The following OTUD5 variants were observed in gnomAD, a reference collection of about 807,000 sequenced individuals.
The protein encoded by OTUD5 is OTU domain-containing protein 5.
In OTUD5, 2 loss-of-function variants were observed where a neutral mutation model predicts 36.3. The observed-to-expected ratio is 0.06, with a 90% CI of 0.02 to 0.17. The LOEUF (loss-of-function observed/expected upper bound fraction) is 0.17, where lower values mean the gene tolerates loss of function less well. Among genes scored for constraint, OTUD5 ranks in the 10% least tolerant of loss-of-function variants. The pLI, the probability that OTUD5 is intolerant of heterozygous loss-of-function variation, is 1.00. For synonymous variants in OTUD5, 234 were observed against 214.9 expected (o/e 1.09, Z -0.78); for missense variants, 233 against 512.3 (o/e 0.45, Z 5.26).
intron 1 of OTUD5, among the ~76,000 whole-genome samples, chrX:48,951,941 A>G (rs1007094764): frequency 9.0e-6 from 1 of 110,995 alleles, no homozygotes; most frequent in African/African-American, 3.3e-5. Context: ...CTGTAGCCCC[A>G]GCTACTTGGG....
intron 5 of OTUD5, among the ~76,000 whole-genome samples, chrX:48,933,490 A>G (rs1407395520): frequency 9.3e-6 from 1 of 107,246 alleles, no homozygotes; most frequent in Non-Finnish European, 1.9e-5. Flanking sequence ...ATCTTGGCTC[A>G]CTGCAACCTC....
intron 2 of OTUD5, among the ~76,000 whole-genome samples, chrX:48,942,094 T>C (rs2063933986): frequency 9.1e-6 from 1 of 109,811 alleles, no homozygotes; most frequent in Non-Finnish European, 1.9e-5. Context: ...GTCGGGAGTA[T>C]TTGGGGAGAA....
intron 2 of OTUD5, 99 bp from the exon 3 acceptor site, chrX:48,935,117 G>C: frequency 1.2e-6 from 1 of 834,208 alleles, no homozygotes; most frequent in Admixed American, 2.7e-5. Flanking sequence ...GGGGGACCAG[G>C]GAAATTCCCT....
At chrX:48,948,498 C>T (rs782493896) in intron 1 of OTUD5, among the ~76,000 whole-genome samples, 1 of 112,330 alleles carries the variant, frequency 8.9e-6, no homozygotes, top group South Asian at 3.6e-4. Flanking sequence ...ACCTTGCAGC[C>T]CATCCACAGA....
Position 48,923,090 on chromosome X carries a change from AG to A in OTUD5, c.*83del. ...AGCAGAAAGAACAGAAGGAGGCAAG[AG>A]GGAAGAAGCCAAAGAAGGTGAGGTG... On this transcript the variant is annotated 3_prime_UTR_variant, in exon 9 of 9. Transcript: ENST00000376488. 2.5e-6 allele frequency: 3 copies of A among 1,201,164 alleles called. No homozygotes were observed. Among genetic ancestry groups the A allele is most frequent in the Non-Finnish European group, 3.4e-6 (3 of 889,437 alleles).
In OTUD5 at chrX:48,922,919, T is replaced by C; in HGVS notation, c.*255A>G. The C allele has an allele frequency of 2.0e-6, 2 of 1,007,358 alleles. No individual in the cohort carries two copies. The highest frequency in any genetic ancestry group is 2.5e-6 in the Non-Finnish European group (2 of 792,352). 83.0% of individuals were successfully genotyped at this position (1,007,358 alleles called of 1,213,427 possible). A position where few individuals can be genotyped will look rare whatever the true frequency, so the allele number is the denominator to read the frequency against. On this transcript the variant is annotated 3_prime_UTR_variant, in exon 9 of 9. Coordinates refer to ENST00000376488, the MANE Select transcript of OTUD5 (RefSeq NM_001136157.2). ...ACCCTTGCCCGAGTCCCCTGTGGAATGCAGGGATGGTTCTGTGCGGGATGG... is the reference window on the plus strand; with the variant it reads ...ACCCTTGCCCGAGTCCCCTGTGGAACGCAGGGATGGTTCTGTGCGGGATGG...
chrX:48,944,136 G>A, intron 2 of OTUD5, 54 bp downstream of exon 2: 1 of 879,089 alleles, frequency 1.1e-6, no homozygotes, highest in Non-Finnish European at 1.7e-6. Flanking sequence ...CCTGATAACT[G>A]GGACACAGCT....
rs781933375 is a variant in OTUD5, at chrX:48,954,128, C to CT, written c.594+2848dup. 2.3e-4 allele frequency among the ~76,000 whole-genome samples: 25 copies of CT among 107,439 alleles called. No homozygotes were observed. In the East Asian group the frequency reaches 4.4e-3, roughly 19 times the overall value. The allele number at this position is 107,439 out of a possible 115,157, so 93.3% of individuals were successfully genotyped here. A position where few individuals can be genotyped will look rare whatever the true frequency, so the allele number is the denominator to read the frequency against. On this transcript the variant is annotated intron_variant, in intron 1 of 8. Transcript: ENST00000376488. Reference sequence around the variant, plus strand: ...ACCCACAAAACTTGATTTTCATATTCTTTTTTTTTTATTAGTAAAGATGAG... The same window carrying CT: ...ACCCACAAAACTTGATTTTCATATTCTTTTTTTTTTTATTAGTAAAGATGAG...
At chrX:48,930,919 G>A (rs1405612433) in intron 5 of OTUD5, among the ~76,000 whole-genome samples, 1 of 106,812 alleles carries the variant, frequency 9.4e-6, no homozygotes, top group African/African-American at 3.5e-5. Flanking sequence ...CTGAGATGGC[G>A]CCCTTACACT....
intron 2 of OTUD5, among the ~76,000 whole-genome samples, chrX:48,938,765 T>C (rs1334504441): frequency 1.8e-5 from 2 of 111,536 alleles, no homozygotes; most frequent in East Asian, 5.6e-4. Context: ...AGCCCTCCTC[T>C]TCCCAGAAGG....
At chrX:48,957,728 A>AGGAGGC, upstream of OTUD5, 1 of 670,217 alleles carries the variant, frequency 1.5e-6, no homozygotes, top group African/African-American at 2.5e-5. Flanking sequence ...GCGGCGGAGG[A>AGGAGGC]GGCGGCGGCG....
chrX:48,950,537 C>CTTTTTTTTTTTTTTTTTTTTTT (rs781905691), intron 1 of OTUD5, among the ~76,000 whole-genome samples: 1 of 83,086 alleles, frequency 1.2e-5, no homozygotes. Flanking sequence ...TTCTCTCTCT[C>CTTTTTTTTTTTTTTTTTTTTTT]TTTTTTTTTT....
intron 6 of OTUD5, among the ~76,000 whole-genome samples, chrX:48,924,957 A>G (rs151305039): frequency 4.1e-3 from 458 of 111,412 alleles, no homozygotes; most frequent in South Asian, 0.015. Flanking sequence ...CCTGCCACAG[A>G]CTGGTAGTAG....
In OTUD5 at chrX:48,957,465, C is replaced by T; in HGVS notation, c.106G>A (p.Val36Met). 2 of 912,894 alleles carry T rather than the reference C, an allele frequency of 2.2e-6. No homozygotes were observed. The highest frequency in any genetic ancestry group is 2.7e-6 in the Non-Finnish European group (2 of 737,166). The allele number at this position is 912,894 out of a possible 1,213,427, so 75.2% of individuals were successfully genotyped here. A position where few individuals can be genotyped will look rare whatever the true frequency, so the allele number is the denominator to read the frequency against. ...CCCGTGCCGCCGCCGCCCACGCCCA[C>T]ACCTCCGCCGCGCCGCGGCGCCGGG... ...MPPAPRRGGG[V>M]GVGGGGTGVG... The change falls in exon 1 of 9, where the codon GTG (valine) becomes ATG (methionine). Residue 36 changes from valine to methionine, a missense_variant. Physicochemically the swap from Val to Met is conservative, Grantham distance 21. Transcript: ENST00000376488.
At chrX:48,952,393 G>C in intron 1 of OTUD5, among the ~76,000 whole-genome samples, 1 of 111,428 alleles carries the variant, frequency 9.0e-6, no homozygotes, top group East Asian at 2.8e-4. Context: ...GTAGTGATGT[G>C]ATGGACGCAC....
chrX:48,937,960 C>T lies in OTUD5; in HGVS notation c.689-2942G>A, dbSNP rs930370135. Among the ~76,000 whole-genome samples the T allele has an allele frequency of 2.1e-4, 23 of 112,156 alleles. No homozygotes were observed. In the Admixed American group the frequency reaches 2.1e-3, roughly 10 times the overall value. The stretch of plus-strand genomic sequence containing the variant: ...ATGCATGTCCTCTCCTGGCTCTCTA[C>T]CTTTAGCGAAACCAAAGGTCCACAA... On this transcript the variant is annotated intron_variant, in intron 2 of 8. Transcript: ENST00000376488.
intron 1 of OTUD5, among the ~76,000 whole-genome samples, chrX:48,956,754 C>T (rs1249303108): frequency 9.0e-6 from 1 of 111,121 alleles, no homozygotes; most frequent in Non-Finnish European, 1.9e-5. Flanking sequence ...TTAAAAGAGA[C>T]CTCGGATCTT....
In OTUD5 at chrX:48,922,659, TAAAG is replaced by T; in HGVS notation, c.*511_*514del. ...TTTTATAAGATAAAAGTAATTTTAA[TAAAG>T]AAAAAATTCAACATTGAAGGCTCAG... On this transcript the variant is annotated 3_prime_UTR_variant, in exon 9 of 9. Coordinates refer to ENST00000376488, the MANE Select transcript of OTUD5 (RefSeq NM_001136157.2). 1 of 754,184 alleles carries T rather than the reference TAAAG, an allele frequency of 1.3e-6. No individual in the cohort carries two copies. The highest frequency in any genetic ancestry group is 1.6e-6 in the Non-Finnish European group (1 of 638,631). The allele number at this position is 754,184 out of a possible 1,213,427, so 62.2% of individuals were successfully genotyped here. A position where few individuals can be genotyped will look rare whatever the true frequency, so the allele number is the denominator to read the frequency against.
chrX:48,956,076 T>G lies in OTUD5; in HGVS notation c.594+901A>C, dbSNP rs1402488120. Among the ~76,000 whole-genome samples the G allele has an allele frequency of 9.9e-5, 11 of 111,628 alleles. No homozygotes were observed. In the Admixed American group the frequency reaches 1.0e-3, roughly 11 times the overall value. ...GGTGGGGGTGCTGAGGGCCCATCTC[T>G]TCTTACAAGAAGCTTAAGATCCTGA... On this transcript the variant is annotated intron_variant, in intron 1 of 8. Transcript: ENST00000376488.
Sources: gnomAD v4.1 joint callset for allele counts (sites outside exome capture counted in the v4.1 genomes callset) on GRCh38, gnomAD v4.1.1 for gene constraint, MANE v1.5 for transcripts, NCBI Gene and HGNC (gene_info 2026-07-23, HGNC 2026-07-21) for gene names.